The following MBOAT1 variants were observed in gnomAD, a reference collection of about 807,000 sequenced individuals.
The protein encoded by MBOAT1 is membrane bound glycerophospholipid O-acyltransferase 1, also known as membrane-bound glycerophospholipid O-acyltransferase 1.
MBOAT1 carries 67 observed loss-of-function variants against 64.4 expected under a neutral mutation model. That is an observed-to-expected ratio of 1.04 (90% CI 0.85 to 1.27). The LOEUF (loss-of-function observed/expected upper bound fraction) is 1.27, where lower values mean the gene tolerates loss of function less well. MBOAT1 is among the 50% of genes most tolerant of loss of function. The probability of loss-of-function intolerance (pLI) is 0.00; values close to 1 mark genes in which losing one functional copy is unlikely to be tolerated. For missense variants in MBOAT1, 563 were observed against 604.6 expected, an observed-to-expected ratio of 0.93 and a Z score of 0.72; for synonymous variants, 229 against 218.9, an observed-to-expected ratio of 1.05 and a Z score of -0.41.
chr6:20,179,095 CCCA>C (rs1176451531), intron 1 of MBOAT1, among the ~76,000 whole-genome samples: 1 of 151,512 alleles, frequency 6.6e-6, no homozygotes, highest in African/African-American at 2.4e-5. Flanking sequence ...TCTCCCTCTC[CCCA>C]CCCCCACACC....
intron 1 of MBOAT1, among the ~76,000 whole-genome samples, chr6:20,178,707 C>T (rs796451798): frequency 2.6e-5 from 4 of 152,226 alleles, no homozygotes; most frequent in African/African-American, 9.6e-5. Context: ...ACTTCAAGTA[C>T]ACCTGGAGTC....
intron 1 of MBOAT1, among the ~76,000 whole-genome samples, chr6:20,201,906 A>G (rs1434189608): frequency 6.6e-6 from 1 of 152,010 alleles, no homozygotes; most frequent in Admixed American, 6.6e-5. Flanking sequence ...TGTTAACTGT[A>G]TCTATATAAA....
At chr6:20,207,275 G>A (rs567824283) in intron 1 of MBOAT1, among the ~76,000 whole-genome samples, 13 of 152,184 alleles carry the variant, frequency 8.5e-5, no homozygotes, top group South Asian at 2.1e-4. Flanking sequence ...AGGACCTTCC[G>A]TATGCCTTCA....
chr6:20,139,633 A>G (rs915560981), intron 4 of MBOAT1, among the ~76,000 whole-genome samples: 30 of 133,558 alleles, frequency 2.2e-4, no homozygotes, highest in Admixed American at 5.6e-4. Context: ...AGCTCACTGC[A>G]GCCTTGACCT....
At chr6:20,139,856 T>C (rs1403677216) in intron 4 of MBOAT1, among the ~76,000 whole-genome samples, 1 of 152,148 alleles carries the variant, frequency 6.6e-6, no homozygotes, top group East Asian at 1.9e-4. Flanking sequence ...TGCCCAGCCT[T>C]AACTTTCTAT....
chr6:20,129,874 T>C (rs1360118339), intron 5 of MBOAT1, among the ~76,000 whole-genome samples: 1 of 152,200 alleles, frequency 6.6e-6, no homozygotes, highest in Non-Finnish European at 1.5e-5. Flanking sequence ...ATTTTGGCAC[T>C]GAAAGTCACA....
At chr6:20,159,129 CT>C (rs1248349887) in intron 1 of MBOAT1, among the ~76,000 whole-genome samples, 10 of 152,272 alleles carry the variant, frequency 6.6e-5, no homozygotes, top group African/African-American at 2.2e-4. Context: ...CCCATGCTCA[CT>C]GCAATTCTAA....
intron 4 of MBOAT1, among the ~76,000 whole-genome samples, chr6:20,136,930 C>G (rs1362848647): frequency 6.6e-6 from 1 of 152,128 alleles, no homozygotes; most frequent in Non-Finnish European, 1.5e-5. Flanking sequence ...ATGTATTTGT[C>G]TTATGGTTTT....
Position 20,114,971 on chromosome 6 carries a change from A to G in MBOAT1, c.1076+317T>C, listed in dbSNP as rs1487482459. On this transcript the variant is annotated intron_variant, in intron 10 of 12. Transcript: ENST00000324607. ...CACTGGGTGACTTTGGGCAAGTGAC[A>G]TAACCTCTCTGGGTCTCACTTTCCT... 2.6e-5 allele frequency among the ~76,000 whole-genome samples: 4 copies of G among 152,172 alleles called. No individual in the cohort carries two copies. The East Asian group carries it at 7.7e-4, about 29-fold the overall frequency.
intron 5 of MBOAT1, 131 bp downstream of exon 5, chr6:20,131,013 G>A: frequency 1.2e-5 from 9 of 763,058 alleles, no homozygotes; most frequent in Non-Finnish European, 1.9e-5. Flanking sequence ...CCGAGGCCTG[G>A]AAATTTTGAA....
intron 5 of MBOAT1, among the ~76,000 whole-genome samples, chr6:20,130,198 A>C (rs943660506): frequency 6.6e-6 from 1 of 152,206 alleles, no homozygotes; most frequent in African/African-American, 2.4e-5. Context: ...GCCCATATTG[A>C]AATCTTCCGC....
Position 20,169,008 on chromosome 6 carries a change from T to A in MBOAT1, c.100-16239A>T, listed in dbSNP as rs1370434179. Among the ~76,000 whole-genome samples the A allele has an allele frequency of 4.6e-5, 7 of 152,174 alleles. No homozygotes were observed. The East Asian group carries it at 1.3e-3, about 29-fold the overall frequency. On this transcript the variant is annotated intron_variant, in intron 1 of 12. Transcript: ENST00000324607. Reference sequence around the variant, plus strand: ...AGTAACATCTTTTCCCAACAACCTATGTTGTCTCCTAAACAACAACAACAA... The same window carrying A: ...AGTAACATCTTTTCCCAACAACCTAAGTTGTCTCCTAAACAACAACAACAA...
At chr6:20,109,901 A>ATTTTTTTTTTTTTTTTTTTTTTTTTTTT (rs756853889) in intron 11 of MBOAT1, 152 bp from the exon 12 acceptor site, 1 of 296,680 alleles carries the variant, frequency 3.4e-6, no homozygotes, top group Non-Finnish European at 5.7e-6. Flanking sequence ...TACCATCAGG[A>ATTTTTTTTTTTTTTTTTTTTTTTTTTTT]CTTTTTTTTT....
chr6:20,103,615 C>T (rs761638140), intron 12 of MBOAT1, among the ~76,000 whole-genome samples: 4 of 152,072 alleles, frequency 2.6e-5, no homozygotes, highest in Non-Finnish European at 4.4e-5. Flanking sequence ...TTAGTAGAGA[C>T]AAGGTTTCTC....
intron 1 of MBOAT1, among the ~76,000 whole-genome samples, chr6:20,175,771 C>T (rs1324476808): frequency 6.6e-6 from 1 of 151,914 alleles, no homozygotes; most frequent in Non-Finnish European, 1.5e-5. Flanking sequence ...TGCACCTGGC[C>T]TTTTTATTTT....
At chr6:20,126,143 C>T (rs1017618280) in intron 7 of MBOAT1, among the ~76,000 whole-genome samples, 2 of 152,174 alleles carry the variant, frequency 1.3e-5, no homozygotes, top group Admixed American at 6.5e-5. Flanking sequence ...ATTCCAGTTC[C>T]GTGGTCCCCC....
At chr6:20,190,486 G>A (rs537670998) in intron 1 of MBOAT1, among the ~76,000 whole-genome samples, 8 of 152,158 alleles carry the variant, frequency 5.3e-5, no homozygotes, top group Admixed American at 2.0e-4. Context: ...GTATTTTTAC[G>A]TTTTAAATTT....
intron 4 of MBOAT1, among the ~76,000 whole-genome samples, chr6:20,131,815 G>C (rs60152308): frequency 0.022 from 3,338 of 152,230 alleles, 115 homozygotes; most frequent in African/African-American, 0.075. Context: ...CCATTACTTG[G>C]TGTAGCTCCT....
intron 1 of MBOAT1, among the ~76,000 whole-genome samples, chr6:20,193,263 C>T (rs1762860633): frequency 6.6e-6 from 1 of 152,042 alleles, no homozygotes; most frequent in African/African-American, 2.4e-5. Flanking sequence ...GCCTAGGCCT[C>T]CCAGAGTGCT....
Sources: gnomAD v4.1 joint callset for allele counts (sites outside exome capture counted in the v4.1 genomes callset) on GRCh38, gnomAD v4.1.1 for gene constraint, MANE v1.5 for transcripts, NCBI Gene and HGNC (gene_info 2026-07-23, HGNC 2026-07-21) for gene names.